Variants in HIVEP3 observed in about 807,000 individuals in gnomAD.
HIVEP3 encodes the protein transcription factor HIVEP3.
A neutral mutation model predicts 152.8 loss-of-function variants in HIVEP3; 49 were observed. The observed-to-expected ratio is 0.32, with a 90% CI of 0.26 to 0.41. The LOEUF (loss-of-function observed/expected upper bound fraction) is 0.41. Among genes scored for constraint, HIVEP3 ranks in the 10% least tolerant of loss-of-function variants. The pLI is 1.00. For synonymous variants in HIVEP3, 1,269 were observed against 1,289.0 expected, an observed-to-expected ratio of 0.98 and a Z score of 0.33; for missense variants, 2,790 against 3,103.3, an observed-to-expected ratio of 0.90 and a Z score of 2.40.
At chr1:41,747,234 C>T (rs189853331) in intron 1 of HIVEP3, among the ~76,000 whole-genome samples, 8 of 152,258 alleles carry the variant, frequency 5.3e-5, no homozygotes, top group South Asian at 2.1e-4. Flanking sequence ...AGGGGTGGTA[C>T]GCTGGGCCAG....
chr1:41,730,487 C>G lies in HIVEP3; in HGVS notation c.-800-29492G>C, dbSNP rs185851250. ...CCCAGTGCCTGAAGAGCCAGCTCCC[C>G]ATCAGCACTCAGTCCTGGGGCAGAG... On this transcript the variant is annotated intron_variant, in intron 1 of 8. Coordinates refer to ENST00000372583, the MANE Select transcript of HIVEP3 (RefSeq NM_024503.5). Among the ~76,000 whole-genome samples the G allele has an allele frequency of 2.4e-4, 37 of 152,344 alleles. 1 individual carries two copies. In the East Asian group the frequency reaches 6.2e-3, roughly 25 times the overall value.
chr1:41,750,798 A>G (rs370449704), intron 1 of HIVEP3, among the ~76,000 whole-genome samples: 2 of 151,640 alleles, frequency 1.3e-5, no homozygotes, highest in African/African-American at 4.8e-5. Flanking sequence ...TCCTGGATTC[A>G]AGTGATTCTC....
chr1:41,798,500 T>G (rs1026018488), intron 1 of HIVEP3, among the ~76,000 whole-genome samples: 3 of 152,204 alleles, frequency 2.0e-5, no homozygotes, highest in African/African-American at 7.2e-5. Flanking sequence ...CAGGCTGTGC[T>G]GTCAGTGAAA....
intron 2 of HIVEP3, among the ~76,000 whole-genome samples, chr1:41,667,503 G>T (rs1645813700): frequency 6.6e-6 from 1 of 152,256 alleles, no homozygotes; most frequent in African/African-American, 2.4e-5. Context: ...CAGAAGATTA[G>T]TCAAGCCACA....
At chr1:41,788,902 C>G (rs184599933) in intron 1 of HIVEP3, among the ~76,000 whole-genome samples, 1 of 152,348 alleles carries the variant, frequency 6.6e-6, no homozygotes, top group Admixed American at 6.5e-5. Flanking sequence ...GAGGCCAAAT[C>G]CTACATCCTC....
chr1:41,725,546 G>A (rs769255231), intron 1 of HIVEP3, among the ~76,000 whole-genome samples: 6 of 152,124 alleles, frequency 3.9e-5, no homozygotes, highest in Non-Finnish European at 8.8e-5. Flanking sequence ...GTAACTGCTC[G>A]CTCCAAGATG....
intron 1 of HIVEP3, among the ~76,000 whole-genome samples, chr1:41,991,324 T>C: frequency 6.6e-6 from 1 of 150,476 alleles, no homozygotes; most frequent in Non-Finnish European, 1.5e-5. Context: ...ATATCACCAC[T>C]GATCCCACAG....
intron 1 of HIVEP3, among the ~76,000 whole-genome samples, chr1:41,780,509 C>T (rs911638807): frequency 1.3e-5 from 2 of 151,934 alleles, no homozygotes; most frequent in African/African-American, 4.9e-5. Flanking sequence ...ATGCTCCTTG[C>T]CTGTCTTAAA....
intron 5 of HIVEP3, among the ~76,000 whole-genome samples, chr1:41,539,023 T>G (rs952794137): frequency 2.0e-5 from 3 of 152,194 alleles, no homozygotes; most frequent in Admixed American, 6.5e-5. Context: ...AGAGTGAGTA[T>G]GTATGTAAAC....
At chr1:41,969,945 T>C (rs147602728) in intron 1 of HIVEP3, among the ~76,000 whole-genome samples, 7 of 152,062 alleles carry the variant, frequency 4.6e-5, no homozygotes, top group African/African-American at 7.2e-5. Flanking sequence ...CCAACAAGCA[T>C]GAAAAAAAGC....
intron 1 of HIVEP3, among the ~76,000 whole-genome samples, chr1:41,717,948 G>T (rs553038058): frequency 2.0e-5 from 3 of 152,330 alleles, no homozygotes; most frequent in African/African-American, 7.2e-5. Flanking sequence ...GGATGGAAGC[G>T]CATGTCCCCC....
chr1:41,531,061 G>A (rs928811764), intron 5 of HIVEP3, among the ~76,000 whole-genome samples: 56 of 145,866 alleles, frequency 3.8e-4, no homozygotes, highest in Non-Finnish European at 6.5e-4. Flanking sequence ...GGAGAGAAGG[G>A]AGGACAGGAG....
intron 1 of HIVEP3, among the ~76,000 whole-genome samples, chr1:41,977,408 C>A (rs543748369): frequency 1.3e-5 from 2 of 152,146 alleles, no homozygotes; most frequent in African/African-American, 4.8e-5. Context: ...CACGCTCCCC[C>A]ACTCCCCAGC....
intron 1 of HIVEP3, among the ~76,000 whole-genome samples, chr1:41,740,079 C>T (rs919376139): frequency 6.7e-6 from 1 of 149,058 alleles, no homozygotes; most frequent in African/African-American, 2.4e-5. Context: ...TAAGAAGTGG[C>T]AGATCCAGGA....
chr1:41,810,967 T>C (rs1234221570), intron 1 of HIVEP3, among the ~76,000 whole-genome samples: 1 of 152,250 alleles, frequency 6.6e-6, no homozygotes, highest in Non-Finnish European at 1.5e-5. Flanking sequence ...TTTCTTGGCC[T>C]TGTGCCCTTC....
At chr1:42,027,706 T>C (rs188662281) in intron 1 of HIVEP3, among the ~76,000 whole-genome samples, 21 of 152,316 alleles carry the variant, frequency 1.4e-4, no homozygotes, top group Admixed American at 1.4e-3. Context: ...TAACTGGACT[T>C]ACAGTTCCGC....
intron 1 of HIVEP3, among the ~76,000 whole-genome samples, chr1:41,812,843 G>T (rs1651046193): frequency 7.8e-6 from 1 of 128,198 alleles, no homozygotes; most frequent in South Asian, 2.5e-4. Flanking sequence ...AACTGCCAAG[G>T]TTCTCTGCTC....
chr1:41,955,580 C>T (rs1645136190), intron 1 of HIVEP3, among the ~76,000 whole-genome samples: 2 of 152,246 alleles, frequency 1.3e-5, no homozygotes, highest in South Asian at 4.1e-4. Context: ...ATGCAGGGCA[C>T]ATCCTGAAAG....
chr1:41,735,845 G>A (rs1183341026), intron 1 of HIVEP3, among the ~76,000 whole-genome samples: 1 of 152,112 alleles, frequency 6.6e-6, no homozygotes, highest in Non-Finnish European at 1.5e-5. Context: ...TTCATGCACT[G>A]AGAGATTGCA....
Sources: gnomAD v4.1 joint callset for allele counts (sites outside exome capture counted in the v4.1 genomes callset) on GRCh38, gnomAD v4.1.1 for gene constraint, MANE v1.5 for transcripts, NCBI Gene and HGNC (gene_info 2026-07-23, HGNC 2026-07-21) for gene names.